CIBAR1: variants seen among roughly 807,000 people sequenced by gnomAD.
CIBAR1 encodes CBY1 interacting BAR domain containing 1, also known as CBY1-interacting BAR domain-containing protein 1.
A neutral mutation model predicts 44.0 loss-of-function variants in CIBAR1; 25 were observed. That is an observed-to-expected ratio of 0.57 (90% CI 0.41 to 0.79). CIBAR1 has a LOEUF of 0.79. CIBAR1 is among the 30% of genes least tolerant of loss of function. The probability of loss-of-function intolerance (pLI) is 0.00; values close to 1 mark genes in which losing one functional copy is unlikely to be tolerated. For missense variants in CIBAR1, 278 were observed against 344.8 expected (o/e 0.81, Z 1.53); for synonymous variants, 115 against 119.0 (o/e 0.97, Z 0.22).
intron 2 of CIBAR1, among the ~76,000 whole-genome samples, chr8:93,702,989 A>T (rs766732193): frequency 3.9e-5 from 6 of 152,212 alleles, no homozygotes; most frequent in Non-Finnish European, 5.9e-5. Flanking sequence ...TAAAAGAAGT[A>T]ATTACTCAAA....
chr8:93,702,019 G>A (rs2130270695), intron 2 of CIBAR1: 1 of 231,930 alleles, frequency 4.3e-6, no homozygotes, highest in South Asian at 5.4e-5. Flanking sequence ...AAGTGTCCTT[G>A]TGATTGTTTT....
intron 4 of CIBAR1, 42 bp downstream of exon 4, chr8:93,705,052 T>A (rs1200868802): frequency 7.5e-7 from 1 of 1,338,616 alleles, no homozygotes; most frequent in Non-Finnish European, 1.1e-6. Flanking sequence ...GTTTAAGGTA[T>A]GGAGTACAAA....
chr8:93,719,408 G>C (rs778461310), intron 7 of CIBAR1, among the ~76,000 whole-genome samples: 4 of 152,138 alleles, frequency 2.6e-5, no homozygotes. Context: ...AACATTTATT[G>C]ACTTCAGTAA....
intron 5 of CIBAR1, among the ~76,000 whole-genome samples, chr8:93,708,437 A>G (rs921064412): frequency 3.9e-5 from 6 of 152,162 alleles, no homozygotes; most frequent in Admixed American, 2.0e-4. Flanking sequence ...AAATACAACT[A>G]GAGTAACTTT....
chr8:93,718,738 A>C lies in CIBAR1; in HGVS notation c.607A>C (p.Thr203Pro), dbSNP rs947143235. The change falls in exon 7 of 9, where the codon ACT becomes CCT. Residue 203 changes from threonine to proline, a missense_variant. Transcript: ENST00000518322. Reference sequence around the variant, plus strand: ...TCACGGCAAAGCTTTAGAGGTCTACACTGCTGCCTACCAGAATATACAAAA... The same window carrying C: ...TCACGGCAAAGCTTTAGAGGTCTACCCTGCTGCCTACCAGAATATACAAAA... ...LFHGKALEVYTAAYQNIQNID... is the reference protein window; with the variant it reads ...LFHGKALEVYPAAYQNIQNID... 4 of 1,575,194 alleles carry C rather than the reference A, an allele frequency of 2.5e-6. No individual in the cohort carries two copies. The African/African-American group carries it at 5.4e-5, about 21-fold the overall frequency.
At chr8:93,713,976 A>T (rs1445173914) in intron 6 of CIBAR1, among the ~76,000 whole-genome samples, 1 of 152,212 alleles carries the variant, frequency 6.6e-6, no homozygotes, top group Non-Finnish European at 1.5e-5. Flanking sequence ...TATGAATCTT[A>T]GAATCAATTT....
At chr8:93,717,201 C>G (rs1251470423) in intron 6 of CIBAR1, among the ~76,000 whole-genome samples, 1 of 152,180 alleles carries the variant, frequency 6.6e-6, no homozygotes, top group East Asian at 1.9e-4. Context: ...ATCGACTCTT[C>G]GTTCAGTTTT....
chr8:93,702,739 T>G (rs1181234278), intron 2 of CIBAR1, among the ~76,000 whole-genome samples: 1 of 152,134 alleles, frequency 6.6e-6, no homozygotes, highest in Non-Finnish European at 1.5e-5. Flanking sequence ...TCATATACAT[T>G]TCATTTACAG....
At chr8:93,721,544 C>T (rs765161292) in intron 7 of CIBAR1, among the ~76,000 whole-genome samples, 22 of 152,072 alleles carry the variant, frequency 1.4e-4, no homozygotes, top group Non-Finnish European at 2.1e-4. Context: ...TTAATATCAA[C>T]TCCCCTACTT....
At chr8:93,720,245 G>A (rs968284024) in intron 7 of CIBAR1, 1 of 152,190 alleles carries the variant, frequency 6.6e-6, no homozygotes, top group African/African-American at 2.4e-5. Flanking sequence ...GCCTCCCAAA[G>A]TGCTGGGATC....
chr8:93,707,008 C>A (rs148452891), intron 4 of CIBAR1, among the ~76,000 whole-genome samples: 1 of 152,186 alleles, frequency 6.6e-6, no homozygotes, highest in South Asian at 2.1e-4. Context: ...TGCTCACCCC[C>A]CAAGTAGGGC....
chr8:93,712,230 C>T (rs1355268105), intron 6 of CIBAR1, among the ~76,000 whole-genome samples: 4 of 152,222 alleles, frequency 2.6e-5, no homozygotes, highest in East Asian at 1.9e-4. Context: ...CCCTGCCTGC[C>T]TCCCAACCCT....
chr8:93,717,279 T>G (rs182415367), intron 6 of CIBAR1, among the ~76,000 whole-genome samples: 2 of 152,344 alleles, frequency 1.3e-5, no homozygotes, highest in Admixed American at 6.5e-5. Flanking sequence ...ATAAGGACAC[T>G]AACAACTAAG....
chr8:93,700,571 G>A lies in CIBAR1; in HGVS notation c.-77G>A. Reference sequence around the variant, plus strand: ...TTTCAGGCTCCCGGCGGCTGCTTGCGCCCCAGCGCGCGCCCAGGCGCCTTG... The same window carrying A: ...TTTCAGGCTCCCGGCGGCTGCTTGCACCCCAGCGCGCGCCCAGGCGCCTTG... On this transcript the variant is annotated 5_prime_UTR_variant, in exon 1 of 9. Coordinates refer to ENST00000518322, the MANE Select transcript of CIBAR1 (RefSeq NM_145269.5). The A allele has an allele frequency of 7.2e-7, 1 of 1,394,582 alleles. No individual in the cohort carries two copies. The highest frequency in any genetic ancestry group is 1.5e-5 in the African/African-American group (1 of 65,954). The allele number at this position is 1,394,582 out of a possible 1,614,324, so 86.4% of individuals were successfully genotyped here. A position where few individuals can be genotyped will look rare whatever the true frequency, so the allele number is the denominator to read the frequency against.
chr8:93,719,226 CT>C (rs1811152912), intron 7 of CIBAR1, among the ~76,000 whole-genome samples: 2 of 152,042 alleles, frequency 1.3e-5, no homozygotes, highest in Non-Finnish European at 2.9e-5. Context: ...AATAGATGAA[CT>C]TTTATGATTT....
intron 4 of CIBAR1, 30 bp downstream of exon 4, chr8:93,705,040 A>AG (rs1563639885): frequency 6.7e-7 from 1 of 1,486,128 alleles, no homozygotes; most frequent in Non-Finnish European, 9.4e-7. Context: ...CTTTAAAAAA[A>AG]TGTTTAAGGT....
chr8:93,717,583 G>T (rs1811082674), intron 6 of CIBAR1, among the ~76,000 whole-genome samples: 1 of 152,102 alleles, frequency 6.6e-6, no homozygotes, highest in Non-Finnish European at 1.5e-5. Context: ...CAATCATCTA[G>T]GAAGAATGGG....
chr8:93,714,640 A>G (rs2976352), intron 6 of CIBAR1, among the ~76,000 whole-genome samples: 4,897 of 151,638 alleles, frequency 0.032, 301 homozygotes, highest in African/African-American at 0.11. Context: ...GTTACATTAT[A>G]GCCCCCTTAC....
intron 7 of CIBAR1, chr8:93,724,521 C>T (rs776710213): frequency 1.4e-5 from 12 of 862,190 alleles, no homozygotes; most frequent in African/African-American, 7.0e-5. Context: ...GATGGAGTTT[C>T]GCCATGTTGC....
Sources: allele counts gnomAD v4.1 joint callset (sites outside exome capture counted in the v4.1 genomes callset), GRCh38; gene constraint gnomAD v4.1.1; transcripts MANE v1.5; gene names NCBI Gene and HGNC (gene_info 2026-07-23, HGNC 2026-07-21).